Variants in TPD52L1 observed in about 807,000 individuals in gnomAD.
TPD52L1 encodes TPD52 like 1, also known as tumor protein D53.
In TPD52L1, 18 loss-of-function variants were observed where a neutral mutation model predicts 28.7. The observed-to-expected ratio is 0.63, with a 90% CI of 0.43 to 0.93. The LOEUF is 0.93. TPD52L1 is among the 40% of genes least tolerant of loss of function. TPD52L1 has a pLI of 0.00. For synonymous variants in TPD52L1, 75 were observed against 88.8 expected (o/e 0.84, Z 0.88); for missense variants, 203 against 254.8 (o/e 0.80, Z 1.39).
At chr6:125,245,084 G>T (rs1796847535) in intron 3 of TPD52L1, among the ~76,000 whole-genome samples, 1 of 152,200 alleles carries the variant, frequency 6.6e-6, no homozygotes, top group African/African-American at 2.4e-5. Flanking sequence ...CAGTCTTCAG[G>T]TCTCCCAGCT....
intron 6 of TPD52L1, 113 bp downstream of exon 6, chr6:125,257,271 T>C (rs1797663339): frequency 1.4e-6 from 1 of 736,028 alleles, no homozygotes; most frequent in Non-Finnish European, 2.3e-6. Flanking sequence ...TTGCATCAAG[T>C]CAGACCTTTT....
chr6:125,200,809 G>T (rs1272195701), intron 1 of TPD52L1, among the ~76,000 whole-genome samples: 1 of 152,154 alleles, frequency 6.6e-6, no homozygotes, highest in Non-Finnish European at 1.5e-5. Context: ...TCAACCTAAG[G>T]TAGTCATAAG....
At chr6:125,214,820 C>T (rs1355700767) in intron 1 of TPD52L1, among the ~76,000 whole-genome samples, 1 of 152,144 alleles carries the variant, frequency 6.6e-6, no homozygotes, top group African/African-American at 2.4e-5. Flanking sequence ...AATTTTATAG[C>T]ATTTTCAAGT....
chr6:125,199,845 A>G (rs1793691375), intron 1 of TPD52L1, among the ~76,000 whole-genome samples: 1 of 152,244 alleles, frequency 6.6e-6, no homozygotes, highest in South Asian at 2.1e-4. Context: ...GAAAATACAT[A>G]AAGATGCTTT....
Position 125,173,068 on chromosome 6 carries a change from C to T in TPD52L1, c.19+19098C>T, listed in dbSNP as rs116433687. Among the ~76,000 whole-genome samples the T allele has an allele frequency of 5.4e-3, 825 of 152,186 alleles. 6 individuals are homozygous for T. The highest frequency in any genetic ancestry group is 0.019 in the African/African-American group (771 of 41,512). ...GTTTTTACAAGACCAATTGGTTTAT[C>T]GATCAATATTGCAATTGAATGTAAC... On this transcript the variant is annotated intron_variant, in intron 1 of 6. Transcript: ENST00000534000.
intron 1 of TPD52L1, among the ~76,000 whole-genome samples, chr6:125,192,773 G>A (rs1189520859): frequency 6.6e-6 from 1 of 152,146 alleles, no homozygotes; most frequent in Non-Finnish European, 1.5e-5. Flanking sequence ...CACCCAGATG[G>A]ACCCATATGG....
rs1443417685 is a variant in TPD52L1 at position 125,172,062 on chromosome 6, TTCTTTCTTTCTTTCTTTC to T, written c.19+18111_19+18128del. ...CTCCCTCCCTCCCACCTTCTTTCTCTTCTTTCTTTCTTTCTTTCTCTTTCTTTCTTTCTTTCCCTTTCT... is the reference window on the plus strand; with the variant it reads ...CTCCCTCCCTCCCACCTTCTTTCTCTTCTTTCTTTCTTTCTTTCCCTTTCT... On this transcript the variant is annotated intron_variant, in intron 1 of 6. Transcript: ENST00000534000. Among the ~76,000 whole-genome samples, 7 of 125,676 alleles carry T rather than the reference TTCTTTCTTTCTTTCTTTC, an allele frequency of 5.6e-5. No homozygotes were observed. The South Asian group carries it at 7.7e-4, about 14-fold the overall frequency. The allele number at this position is 125,676 out of a possible 152,430, so 82.4% of individuals were successfully genotyped here.
chr6:125,181,353 A>G (rs1792182983), intron 1 of TPD52L1, among the ~76,000 whole-genome samples: 1 of 152,134 alleles, frequency 6.6e-6, no homozygotes, highest in Admixed American at 6.5e-5. Context: ...GCACCAAGAA[A>G]CATTTACGCC....
At chr6:125,210,303 C>T (rs1251007737) in intron 1 of TPD52L1, among the ~76,000 whole-genome samples, 1 of 152,256 alleles carries the variant, frequency 6.6e-6, no homozygotes, top group Non-Finnish European at 1.5e-5. Context: ...GACTACACTA[C>T]TGTCCTACCA....
At chr6:125,179,092 C>T (rs1792017257) in intron 1 of TPD52L1, among the ~76,000 whole-genome samples, 1 of 152,224 alleles carries the variant, frequency 6.6e-6, no homozygotes, top group Admixed American at 6.5e-5. Flanking sequence ...TCAGATTCTT[C>T]AGACCACTCA....
At position 125,260,995 on chromosome 6, in the gene TPD52L1, AAAG is replaced by A. The variant is rs1562411163; in HGVS notation, c.487-1836_487-1834del. The A allele has an allele frequency of 4.2e-3, 185 of 43,656 alleles. 6 individuals carry two copies. Among genetic ancestry groups the A allele is most frequent in the Middle Eastern group, 0.033 (3 of 90 alleles). 2.7% of individuals were successfully genotyped at this position (43,656 alleles called of 1,614,324 possible). A position where few individuals can be genotyped will look rare whatever the true frequency, so the allele number is the denominator to read the frequency against. ...AAGAAAGAAAAGAAAAGAAAGAAAG[AAAG>A]AAAGAAAGAAAGAAAGAAAGAAAAG... is the stretch of plus-strand genomic sequence containing the variant. On this transcript the variant is annotated intron_variant, in intron 6 of 6. Transcript: ENST00000534000.
chr6:125,195,779 G>A (rs908871621), intron 1 of TPD52L1, among the ~76,000 whole-genome samples: 18 of 152,164 alleles, frequency 1.2e-4, no homozygotes, highest in Admixed American at 9.8e-4. Flanking sequence ...ACCCATCTTA[G>A]AGAGGCTTTC....
At chr6:125,158,902 G>A (rs1790324383) in intron 1 of TPD52L1, among the ~76,000 whole-genome samples, 1 of 152,198 alleles carries the variant, frequency 6.6e-6, no homozygotes, top group Non-Finnish European at 1.5e-5. Flanking sequence ...TGTTAAATGT[G>A]CAATAGCATG....
chr6:125,229,284 A>G lies in TPD52L1; in HGVS notation c.284+18A>G. On this transcript the variant is annotated intron_variant, in intron 3 of 6. Transcript: ENST00000534000. ...ACCACTGCGTAAGTATCATATGAAC[A>G]GTGTTTTATTAACTCAGCCTGATGT... is the stretch of plus-strand genomic sequence containing the variant. 5 of 1,592,190 alleles carry G rather than the reference A, an allele frequency of 3.1e-6. No individual in the cohort carries two copies. Among genetic ancestry groups the G allele is most frequent in the Non-Finnish European group, 4.3e-6 (5 of 1,171,290 alleles).
intron 3 of TPD52L1, among the ~76,000 whole-genome samples, chr6:125,239,480 C>T (rs545244939): frequency 7.2e-5 from 11 of 152,204 alleles, no homozygotes; most frequent in African/African-American, 2.6e-4. Context: ...TAGGGGAACC[C>T]CTTATAAAAC....
At chr6:125,193,844 C>A (rs535742149) in intron 1 of TPD52L1, among the ~76,000 whole-genome samples, 5 of 152,054 alleles carry the variant, frequency 3.3e-5, no homozygotes, top group African/African-American at 4.8e-5. Context: ...AGGAGCCTTG[C>A]AGAGTGAGCT....
chr6:125,176,717 T>C (rs1436162101), intron 1 of TPD52L1, among the ~76,000 whole-genome samples: 1 of 152,140 alleles, frequency 6.6e-6, no homozygotes, highest in Non-Finnish European at 1.5e-5. Context: ...TTAGGTCCTG[T>C]GTGAATACTA....
intron 1 of TPD52L1, among the ~76,000 whole-genome samples, chr6:125,166,452 C>T (rs1254755853): frequency 6.6e-6 from 1 of 152,060 alleles, no homozygotes; most frequent in Non-Finnish European, 1.5e-5. Flanking sequence ...AGGGTTCCAA[C>T]AGGAAGTTAC....
chr6:125,213,192 A>T (rs1794636348), intron 1 of TPD52L1, among the ~76,000 whole-genome samples: 1 of 152,186 alleles, frequency 6.6e-6, no homozygotes, highest in African/African-American at 2.4e-5. Context: ...TATTAGGCCT[A>T]GTCCATTCCA....
Sources: gnomAD v4.1 joint callset for allele counts (sites outside exome capture counted in the v4.1 genomes callset) on GRCh38, gnomAD v4.1.1 for gene constraint, MANE v1.5 for transcripts, NCBI Gene and HGNC (gene_info 2026-07-23, HGNC 2026-07-21) for gene names.